The following UGGT1 variants were observed in gnomAD, a reference collection of about 807,000 sequenced individuals.
UGGT1 encodes UDP-glucose glycoprotein glucosyltransferase 1.
A neutral mutation model predicts 203.9 loss-of-function variants in UGGT1; 107 were observed. The observed-to-expected ratio is 0.52, with a 90% CI of 0.45 to 0.62. UGGT1 has a LOEUF of 0.62. Among genes scored for constraint, UGGT1 ranks in the 20% least tolerant of loss-of-function variants. UGGT1 has a pLI of 0.00. For synonymous variants in UGGT1, 628 were observed against 653.5 expected (o/e 0.96, Z 0.59); for missense variants, 1,673 against 1,867.2 (o/e 0.90, Z 1.92).
intron 16 of UGGT1, chr2:128,140,047 G>A (rs917364476): frequency 3.9e-5 from 6 of 153,390 alleles, no homozygotes; most frequent in African/African-American, 1.4e-4. Context: ...TTCATGAGTG[G>A]TAATAGGATT....
At chr2:128,120,479 A>G (rs766803627) in intron 9 of UGGT1, 23 bp downstream of exon 9, 20 of 1,592,266 alleles carry the variant, frequency 1.3e-5, no homozygotes, top group Admixed American at 5.2e-5. Flanking sequence ...GGGAGAGGTC[A>G]TTGGCCTACT....
At chr2:128,123,679 TC>T (rs1181138866) in intron 11 of UGGT1, among the ~76,000 whole-genome samples, 1 of 152,196 alleles carries the variant, frequency 6.6e-6, no homozygotes, top group Admixed American at 6.5e-5. Flanking sequence ...TTGGCACTGT[TC>T]CTGTCTATCC....
At chr2:128,132,896 G>A (rs1258730486) in intron 13 of UGGT1, among the ~76,000 whole-genome samples, 1 of 151,912 alleles carries the variant, frequency 6.6e-6, no homozygotes, top group African/African-American at 2.4e-5. Context: ...TGCAGAGATG[G>A]GGGTCTCATA....
intron 15 of UGGT1, among the ~76,000 whole-genome samples, chr2:128,138,412 G>C (rs1247644806): frequency 6.6e-6 from 1 of 152,056 alleles, no homozygotes; most frequent in Non-Finnish European, 1.5e-5. Context: ...CTACTTGGGA[G>C]GCTGAGGCAG....
chr2:128,169,048 T>TAAAAAAAAAAAA lies in UGGT1; in HGVS notation c.2922-1208_2922-1197dup, dbSNP rs544381740. Among the ~76,000 whole-genome samples, 25 of 52,562 alleles carry TAAAAAAAAAAAA rather than the reference T, an allele frequency of 4.8e-4. 1 individual carries two copies. Among genetic ancestry groups the TAAAAAAAAAAAA allele is most frequent in the South Asian group, 1.0e-3 (2 of 1,948 alleles). 34.5% of individuals were successfully genotyped at this position (52,562 alleles called of 152,430 possible). A position where few individuals can be genotyped will look rare whatever the true frequency, so the allele number is the denominator to read the frequency against. ...GGGTGAATGAGCGAGACTCTGTCTT[T>TAAAAAAAAAAAA]AAAAAAAAAAAAAAAAAAAAAAAAA... On this transcript the variant is annotated intron_variant, in intron 26 of 40. Transcript: ENST00000259253.
rs1558789180 is a variant in UGGT1 at position 128,143,075 on chromosome 2, CTG to C, written c.1720-17_1720-16del. On this transcript the variant is annotated splice_polypyrimidine_tract_variant and intron_variant, in intron 16 of 40. Coordinates refer to ENST00000259253, the MANE Select transcript of UGGT1 (RefSeq NM_020120.4). ...TGAACTTAAAAGTGTAGTTAACCAACTGTTTTTTCTTTCTTCAGATCTATAAC... is the reference window on the plus strand; with the variant it reads ...TGAACTTAAAAGTGTAGTTAACCAACTTTTTTCTTTCTTCAGATCTATAAC... The C allele has an allele frequency of 6.4e-6, 10 of 1,565,812 alleles. No individual in the cohort carries two copies. Among genetic ancestry groups the C allele is most frequent in the Admixed American group, 3.8e-5 (2 of 52,062 alleles).
At position 128,182,272 on chromosome 2, in the gene UGGT1, G is replaced by T; in HGVS notation, c.4226G>T (p.Gly1409Val). 1 of 1,613,174 alleles carries T rather than the reference G, an allele frequency of 6.2e-7. No homozygotes were observed. Among genetic ancestry groups the T allele is most frequent in the Non-Finnish European group, 8.5e-7 (1 of 1,179,674 alleles). Residue 1409 changes from glycine (G) to valine (V), a missense_variant, in exon 37 of 41, where the codon GGG becomes GTG. Transcript: ENST00000259253. ...KSGYWASHLAGRKYHISALYV... is the reference protein window; with the variant it reads ...KSGYWASHLAVRKYHISALYV... ...GGGTACTGGGCCAGTCATTTAGCCG[G>T]GCGAAAGTATCATATCAGGTACTGA... is the stretch of plus-strand genomic sequence containing the variant.
chr2:128,185,746 T>G (rs1691944452), intron 38 of UGGT1, among the ~76,000 whole-genome samples: 1 of 152,118 alleles, frequency 6.6e-6, no homozygotes, highest in African/African-American at 2.4e-5. Flanking sequence ...TTTTTAAATT[T>G]TAGTCTGTTG....
At chr2:128,147,394 A>C (rs1369930219) in intron 18 of UGGT1, among the ~76,000 whole-genome samples, 2 of 152,168 alleles carry the variant, frequency 1.3e-5, no homozygotes, top group East Asian at 3.8e-4. Flanking sequence ...CTTAAACTTT[A>C]CTTTGGTAGA....
At position 128,181,262 on chromosome 2, in the gene UGGT1, CTCTG is replaced by C. The variant is rs1445471298; in HGVS notation, c.4083+194_4083+197del. Among the ~76,000 whole-genome samples, 3 of 152,164 alleles carry C rather than the reference CTCTG, an allele frequency of 2.0e-5. No individual in the cohort carries two copies. In the East Asian group the frequency reaches 5.8e-4, roughly 29 times the overall value. On this transcript the variant is annotated intron_variant, in intron 36 of 40. Coordinates refer to ENST00000259253, the MANE Select transcript of UGGT1 (RefSeq NM_020120.4). Reference sequence around the variant, plus strand: ...TAGCTTATCTCCTTTACATCTTTTTCTCTGTCTTTTTAACATCATTGTGATGACA... The same window carrying C: ...TAGCTTATCTCCTTTACATCTTTTTCTCTTTTTAACATCATTGTGATGACA...
Position 128,182,119 on chromosome 2 carries a change from A to G in UGGT1, c.4084-11A>G, listed in dbSNP as rs750592702. On this transcript the variant is annotated splice_polypyrimidine_tract_variant and intron_variant, in intron 36 of 40. Coordinates refer to ENST00000259253, the MANE Select transcript of UGGT1 (RefSeq NM_020120.4). The stretch of plus-strand genomic sequence containing the variant: ...ATGGTTGCTTAACAAATGACTTTTT[A>G]TATTCTCCAGATTGTACGAACAGAT... 6 of 1,611,556 alleles carry G rather than the reference A, an allele frequency of 3.7e-6. No individual in the cohort carries two copies. Among genetic ancestry groups the G allele is most frequent in the Non-Finnish European group, 5.1e-6 (6 of 1,178,826 alleles).
At chr2:128,091,709 A>G (rs1323561207) in intron 1 of UGGT1, 2 of 766,956 alleles carry the variant, frequency 2.6e-6, no homozygotes, top group Non-Finnish European at 3.7e-6. Context: ...GTATCCTACC[A>G]TGGATTTAGA....
chr2:128,141,016 AT>A (rs1192974308), intron 16 of UGGT1, among the ~76,000 whole-genome samples: 2 of 151,908 alleles, frequency 1.3e-5, no homozygotes, highest in Admixed American at 1.3e-4. Flanking sequence ...AAGTGAAGTA[AT>A]ACTGCTCACT....
rs1214550697 is a variant in UGGT1, at chr2:128,156,395, T to G, written c.2240T>G (p.Met747Arg). ...NSMNYLTKKGMSSKEIYDDSF... is the reference protein window; with the variant it reads ...NSMNYLTKKGRSSKEIYDDSF... ...TTTTCTCTTTACCTTTGTTCAGGAA[T>G]GTCCTCCAAGGAAATCTATGGTAAC... Residue 747 changes from methionine (M) to arginine (R), a missense_variant, in exon 21 of 41, where the codon ATG becomes AGG. By Grantham distance (91) the Met-to-Arg change is moderately conservative. Transcript: ENST00000259253. 1.3e-6 allele frequency: 2 copies of G among 1,595,086 alleles called. No homozygotes were observed. The highest frequency in any genetic ancestry group is 1.7e-6 in the Non-Finnish European group (2 of 1,163,920).
chr2:128,181,097 G>T (rs781559052), intron 36 of UGGT1, 25 bp downstream of exon 36: 4 of 1,591,640 alleles, frequency 2.5e-6, no homozygotes, highest in South Asian at 2.3e-5. Flanking sequence ...GCCAAGTTTT[G>T]ACAGTTTGTA....
intron 22 of UGGT1, among the ~76,000 whole-genome samples, chr2:128,158,500 A>G (rs565339802): frequency 5.3e-5 from 8 of 152,356 alleles, no homozygotes; most frequent in African/African-American, 1.4e-4. Flanking sequence ...TCTTTACCCA[A>G]TCTTTTGTAA....
At chr2:128,182,698 C>CAAAAAAAAAAAAAAA (rs70988612) in intron 37 of UGGT1, among the ~76,000 whole-genome samples, 1 of 118,288 alleles carries the variant, frequency 8.5e-6, no homozygotes, top group Non-Finnish European at 1.7e-5. Flanking sequence ...GATTCCATCT[C>CAAAAAAAAAAAAAAA]AAAAAAAAAA....
At chr2:128,181,542 A>G (rs1290053070) in intron 36 of UGGT1, among the ~76,000 whole-genome samples, 1 of 152,210 alleles carries the variant, frequency 6.6e-6, no homozygotes, top group Non-Finnish European at 1.5e-5. Context: ...ACAAACTCAA[A>G]CAGCATAAGT....
chr2:128,157,133 C>A (rs1289398938), intron 21 of UGGT1, 119 bp from the exon 22 acceptor site: 1 of 725,294 alleles, frequency 1.4e-6, no homozygotes, highest in South Asian at 1.7e-5. Context: ...TTAAGCTTGT[C>A]ATTTTCTTCT....
Sources: allele counts gnomAD v4.1 joint callset (sites outside exome capture counted in the v4.1 genomes callset), GRCh38; gene constraint gnomAD v4.1.1; transcripts MANE v1.5; gene names NCBI Gene and HGNC (gene_info 2026-07-23, HGNC 2026-07-21).